The following CALN1 variants were observed in gnomAD, a reference collection of about 807,000 sequenced individuals.
The protein encoded by CALN1 is calneuron 1, also known as calcium-binding protein 8.
A neutral mutation model predicts 30.6 loss-of-function variants in CALN1; 17 were observed. The observed-to-expected ratio is 0.56, with a 90% confidence interval of 0.38 to 0.83. The LOEUF is 0.83. Ranked by LOEUF, CALN1 falls within the 40% of genes least tolerant of loss-of-function variation. CALN1 has a pLI of 0.00. For synonymous variants in CALN1, 156 were observed against 131.4 expected (o/e 1.19, Z -1.28); for missense variants, 291 against 354.9 (o/e 0.82, Z 1.45).
chr7:72,343,389 A>G (rs773689848), intron 2 of CALN1, among the ~76,000 whole-genome samples: 3 of 152,058 alleles, frequency 2.0e-5, no homozygotes, highest in Non-Finnish European at 4.4e-5. Context: ...TCTACTGTAA[A>G]TACAAAAAAT....
rs372389016 is a variant in CALN1 at position 71,971,029 on chromosome 7, A to G, written c.501+52628T>C. On this transcript the variant is annotated intron_variant, in intron 5 of 6. Transcript: ENST00000395275. ...GTGATTATGACACTAGGAACCAGTAAAGGAAAGAGCAAAAGCAATACTGCA... is the reference window on the plus strand; with the variant it reads ...GTGATTATGACACTAGGAACCAGTAGAGGAAAGAGCAAAAGCAATACTGCA... Among the ~76,000 whole-genome samples, 12 of 152,312 alleles carry G rather than the reference A, an allele frequency of 7.9e-5. No individual in the cohort carries two copies. The South Asian group carries it at 2.1e-3, about 26-fold the overall frequency.
At chr7:71,847,695 GAAGAAGAAAGAAGA>G (rs749523708) in intron 5 of CALN1, among the ~76,000 whole-genome samples, 4 of 119,728 alleles carry the variant, frequency 3.3e-5, no homozygotes, top group Non-Finnish European at 5.1e-5. Flanking sequence ...AAAAAAGGAG[GAAGAAGAAAGAAGA>G]AAGAAGAAAG....
chr7:72,295,479 T>G (rs1225413758), intron 2 of CALN1, among the ~76,000 whole-genome samples: 2 of 151,842 alleles, frequency 1.3e-5, no homozygotes, highest in African/African-American at 4.8e-5. Context: ...ACGATATTGA[T>G]TCTTCCTACC....
At chr7:72,397,534 G>C (rs1806041325) in intron 2 of CALN1, among the ~76,000 whole-genome samples, 1 of 152,142 alleles carries the variant, frequency 6.6e-6, no homozygotes, top group South Asian at 2.1e-4. Flanking sequence ...GTGAAGGGGT[G>C]ACTAGAAGAA....
At chr7:71,981,104 T>TATG (rs562668669) in intron 5 of CALN1, among the ~76,000 whole-genome samples, 4 of 152,314 alleles carry the variant, frequency 2.6e-5, no homozygotes, top group Admixed American at 2.6e-4. Context: ...ACCGCAGTGC[T>TATG]ATGATATATA....
At chr7:72,228,592 A>G (rs1459887271) in intron 3 of CALN1, among the ~76,000 whole-genome samples, 1 of 151,860 alleles carries the variant, frequency 6.6e-6, no homozygotes, top group Admixed American at 6.6e-5. Flanking sequence ...TCTGAGCCTC[A>G]GTTTCCTTAT....
At chr7:72,203,975 C>CTTTTTTTT (rs1562730767) in intron 3 of CALN1, among the ~76,000 whole-genome samples, 1 of 101,588 alleles carries the variant, frequency 9.8e-6, no homozygotes, top group African/African-American at 5.3e-5. Context: ...TAAGAGGCCT[C>CTTTTTTTT]TCTCTTTTTT....
At chr7:72,079,166 G>T (rs929409880) in intron 4 of CALN1, among the ~76,000 whole-genome samples, 1 of 152,186 alleles carries the variant, frequency 6.6e-6, no homozygotes, top group Non-Finnish European at 1.5e-5. Flanking sequence ...GACCTTCAAG[G>T]ATGCAAAGCC....
chr7:72,118,944 T>C (rs1186836374), intron 3 of CALN1, among the ~76,000 whole-genome samples: 3 of 152,152 alleles, frequency 2.0e-5, no homozygotes, highest in Admixed American at 1.3e-4. Context: ...TCAGAATGGG[T>C]TTTAAAAATC....
At chr7:72,339,997 T>C (rs1802307618) in intron 2 of CALN1, among the ~76,000 whole-genome samples, 1 of 152,176 alleles carries the variant, frequency 6.6e-6, no homozygotes, top group Non-Finnish European at 1.5e-5. Flanking sequence ...AACATCTTAG[T>C]GTCCTTCAGT....
chr7:72,464,027 G>A, the CALN1 span, among the ~76,000 whole-genome samples: 9 of 148,368 alleles, frequency 6.1e-5, no homozygotes, highest in Non-Finnish European at 1.3e-4. Flanking sequence ...GAGAGAGACA[G>A]AGAAAGAAGG....
chr7:72,390,973 A>G (rs945148272), intron 2 of CALN1, among the ~76,000 whole-genome samples: 5 of 152,186 alleles, frequency 3.3e-5, no homozygotes, highest in African/African-American at 1.2e-4. Context: ...CCCTTAAAAT[A>G]TATTTTTTTC....
chr7:72,465,172 C>T, the CALN1 span, among the ~76,000 whole-genome samples: 9 of 152,314 alleles, frequency 5.9e-5, no homozygotes, highest in Non-Finnish European at 1.2e-4. Flanking sequence ...TACAGGTGGA[C>T]ACACTCCTGG....
At chr7:72,286,728 A>G (rs992510505) in intron 2 of CALN1, among the ~76,000 whole-genome samples, 4 of 152,238 alleles carry the variant, frequency 2.6e-5, no homozygotes, top group Non-Finnish European at 5.9e-5. Flanking sequence ...ATCTCAAATC[A>G]GACAAGAATG....
chr7:72,402,692 T>TCA (rs1806423502), intron 2 of CALN1, among the ~76,000 whole-genome samples: 5 of 152,188 alleles, frequency 3.3e-5, no homozygotes, highest in Admixed American at 3.3e-4. Context: ...AGAAAACTCC[T>TCA]CACCCCGAAC....
chr7:72,326,600 G>C (rs771679440), intron 2 of CALN1, among the ~76,000 whole-genome samples: 25 of 152,216 alleles, frequency 1.6e-4, no homozygotes, highest in Non-Finnish European at 3.2e-4. Context: ...ACAGATGTTT[G>C]AGGTTTTCTT....
intron 5 of CALN1, among the ~76,000 whole-genome samples, chr7:71,987,349 G>C (rs1259803245): frequency 6.6e-6 from 1 of 152,230 alleles, no homozygotes; most frequent in Non-Finnish European, 1.5e-5. Flanking sequence ...TATTTCACAA[G>C]TCCATGCGGG....
intron 4 of CALN1, among the ~76,000 whole-genome samples, chr7:72,089,965 G>A (rs1805742941): frequency 6.6e-6 from 1 of 152,182 alleles, no homozygotes; most frequent in South Asian, 2.1e-4. Flanking sequence ...CTTGGTTACA[G>A]AGAAAAATCT....
chr7:72,257,813 C>T (rs1796012792), intron 3 of CALN1, among the ~76,000 whole-genome samples: 1 of 152,190 alleles, frequency 6.6e-6, no homozygotes, highest in African/African-American at 2.4e-5. Flanking sequence ...ATGGCCTTTG[C>T]AGCAACTTAG....
Sources: allele counts gnomAD v4.1 joint callset (sites outside exome capture counted in the v4.1 genomes callset), GRCh38; gene constraint gnomAD v4.1.1; transcripts MANE v1.5; gene names NCBI Gene and HGNC (gene_info 2026-07-23, HGNC 2026-07-21).